Variants in RALYL observed in about 807,000 individuals in gnomAD.
RALYL encodes the protein RNA-binding Raly-like protein.
Under a neutral mutation model 35.1 loss-of-function variants are expected in RALYL, and 29 were observed. The observed-to-expected ratio is 0.83, with a 90% CI of 0.61 to 1.13. The LOEUF is 1.13. Ranked by LOEUF, RALYL falls within the 50% of genes most tolerant of loss-of-function variation. The pLI is 0.00. For synonymous variants in RALYL, 120 were observed against 127.6 expected (o/e 0.94, Z 0.40); for missense variants, 359 against 360.4 (o/e 1.00, Z 0.03).
intron 1 of RALYL, among the ~76,000 whole-genome samples, chr8:84,341,271 A>T (rs1848743312): frequency 6.6e-6 from 1 of 150,584 alleles, no homozygotes; most frequent in African/African-American, 2.4e-5. Flanking sequence ...CATTTTATTT[A>T]AATATTATGT....
At chr8:84,612,928 C>T (rs911484204) in intron 2 of RALYL, among the ~76,000 whole-genome samples, 3 of 151,598 alleles carry the variant, frequency 2.0e-5, no homozygotes, top group Admixed American at 2.0e-4. Context: ...CCAGTAAATA[C>T]CACTTTAGTT....
chr8:84,880,307 A>G (rs567371901), intron 7 of RALYL, among the ~76,000 whole-genome samples: 14 of 152,248 alleles, frequency 9.2e-5, no homozygotes, highest in Non-Finnish European at 1.9e-4. Context: ...TCCAGGGCCT[A>G]TGGTCAGGAA....
chr8:84,603,701 T>TA (rs2130780161), intron 2 of RALYL, among the ~76,000 whole-genome samples: 1 of 152,186 alleles, frequency 6.6e-6, no homozygotes, highest in South Asian at 2.1e-4. Flanking sequence ...AACTTTAATT[T>TA]AAAAAACAGA....
Position 84,446,297 on chromosome 8 carries a change from AT to A in RALYL, c.-23-83001del, listed in dbSNP as rs758496563. 2.6e-5 allele frequency among the ~76,000 whole-genome samples: 4 copies of A among 152,204 alleles called. No homozygotes were observed. The East Asian group carries it at 5.8e-4, about 22-fold the overall frequency. On this transcript the variant is annotated intron_variant, in intron 1 of 8. Transcript: ENST00000521268. Reference sequence around the variant, plus strand: ...TAATGAGATCAAAGAAAGAAAAAAAATCATAGTTCTTTTTTAAAAATGAAAG... The same window carrying A: ...TAATGAGATCAAAGAAAGAAAAAAAACATAGTTCTTTTTTAAAAATGAAAG...
rs1331988674 is a variant in RALYL at position 84,558,882 on chromosome 8, AAAG to A, written c.256+29309_256+29311del. On this transcript the variant is annotated intron_variant, in intron 2 of 8. Transcript: ENST00000521268. ...TGAAACACATCATTCTCTTTCTTCT[AAAG>A]AAGGTCACTAGCCTTTGTCCTCTGC... 4.6e-5 allele frequency among the ~76,000 whole-genome samples: 7 copies of A among 152,180 alleles called. No individual in the cohort carries two copies. In the South Asian group the frequency reaches 1.2e-3, roughly 27 times the overall value.
chr8:84,479,136 G>GT (rs1214351725), intron 1 of RALYL, among the ~76,000 whole-genome samples: 2 of 130,548 alleles, frequency 1.5e-5, no homozygotes, highest in Non-Finnish European at 3.2e-5. Flanking sequence ...TATACACAGG[G>GT]TTCTGTATAT....
At chr8:84,402,866 G>A (rs1440367922) in intron 1 of RALYL, among the ~76,000 whole-genome samples, 1 of 152,172 alleles carries the variant, frequency 6.6e-6, no homozygotes, top group Non-Finnish European at 1.5e-5. Context: ...ACTGGTGTGA[G>A]ATGGTATCTC....
At chr8:84,594,991 G>A (rs1038935336) in intron 2 of RALYL, among the ~76,000 whole-genome samples, 4 of 151,984 alleles carry the variant, frequency 2.6e-5, no homozygotes, top group Non-Finnish European at 4.4e-5. Context: ...GGATGTTAGA[G>A]CAAACTAAGT....
At chr8:84,514,358 G>A (rs749438127) in intron 1 of RALYL, among the ~76,000 whole-genome samples, 6 of 152,064 alleles carry the variant, frequency 3.9e-5, no homozygotes, top group Middle Eastern at 3.2e-3. Context: ...GTAAGTGGCC[G>A]TCTATCTATG....
intron 8 of RALYL, among the ~76,000 whole-genome samples, chr8:84,899,049 T>A (rs1195859055): frequency 6.6e-6 from 1 of 152,190 alleles, no homozygotes; most frequent in East Asian, 1.9e-4. Context: ...GACTGAGGGA[T>A]GTTGGGTTAC....
At chr8:84,543,630 C>T (rs2060164050) in intron 2 of RALYL, among the ~76,000 whole-genome samples, 1 of 151,936 alleles carries the variant, frequency 6.6e-6, no homozygotes, top group African/African-American at 2.4e-5. Context: ...CAGTACCTTG[C>T]CATTATCTCA....
chr8:84,469,396 C>T (rs369630528), intron 1 of RALYL, among the ~76,000 whole-genome samples: 27 of 152,092 alleles, frequency 1.8e-4, no homozygotes, highest in East Asian at 9.7e-4. Context: ...GTTGGAGTAC[C>T]CTGCCGTGTG....
intron 1 of RALYL, among the ~76,000 whole-genome samples, chr8:84,366,590 C>A (rs138299723): frequency 2.2e-3 from 335 of 151,922 alleles, no homozygotes; most frequent in African/African-American, 7.7e-3. Context: ...TCCTGGCCAA[C>A]ATGGTCAAAC....
intron 2 of RALYL, among the ~76,000 whole-genome samples, chr8:84,702,141 G>T (rs1436851948): frequency 6.6e-6 from 1 of 152,074 alleles, no homozygotes; most frequent in East Asian, 1.9e-4. Flanking sequence ...ATTTAGAAAA[G>T]ACCTCAGCAC....
At chr8:84,202,185 G>T (rs1371325301) in intron 1 of RALYL, among the ~76,000 whole-genome samples, 1 of 149,160 alleles carries the variant, frequency 6.7e-6, no homozygotes, top group African/African-American at 2.5e-5. Context: ...TGAATTTATA[G>T]ACTTAATTTA....
intron 1 of RALYL, among the ~76,000 whole-genome samples, chr8:84,276,846 G>A (rs1285828560): frequency 6.6e-6 from 1 of 152,166 alleles, no homozygotes; most frequent in African/African-American, 2.4e-5. Context: ...ATCTAGAAAA[G>A]TTTAGACTTT....
At chr8:84,624,922 G>C (rs1199477764) in intron 2 of RALYL, among the ~76,000 whole-genome samples, 2 of 152,082 alleles carry the variant, frequency 1.3e-5, no homozygotes, top group African/African-American at 4.8e-5. Flanking sequence ...GTAAACATAA[G>C]TCATACTGAC....
At chr8:84,480,913 G>GA (rs917710508) in intron 1 of RALYL, among the ~76,000 whole-genome samples, 4 of 151,662 alleles carry the variant, frequency 2.6e-5, no homozygotes, top group South Asian at 2.1e-4. Context: ...GATATTCAGA[G>GA]AAAAAAAAGT....
At chr8:84,616,685 G>A (rs1819769539) in intron 2 of RALYL, among the ~76,000 whole-genome samples, 1 of 151,598 alleles carries the variant, frequency 6.6e-6, no homozygotes, top group Non-Finnish European at 1.5e-5. Flanking sequence ...GTCCTGAATG[G>A]TAATGCCTAG....
Sources: allele counts gnomAD v4.1 joint callset (sites outside exome capture counted in the v4.1 genomes callset), GRCh38; gene constraint gnomAD v4.1.1; transcripts MANE v1.5; gene names NCBI Gene and HGNC (gene_info 2026-07-23, HGNC 2026-07-21).